Variants in TMPRSS11F observed in about 807,000 individuals in gnomAD.
TMPRSS11F encodes transmembrane protease serine 11F.
A neutral mutation model predicts 60.2 loss-of-function variants in TMPRSS11F; 47 were observed. That is an observed-to-expected ratio of 0.78 (90% CI 0.62 to 1.00). The LOEUF is 1.00. TMPRSS11F is among the 50% of genes least tolerant of loss of function. TMPRSS11F has a pLI of 0.00. For missense variants in TMPRSS11F, 519 were observed against 522.9 expected, an observed-to-expected ratio of 0.99 and a Z score of 0.07; for synonymous variants, 166 against 167.3, an observed-to-expected ratio of 0.99 and a Z score of 0.06.
intron 4 of TMPRSS11F, among the ~76,000 whole-genome samples, chr4:68,073,672 C>G (rs1723525020): frequency 6.6e-6 from 1 of 151,956 alleles, no homozygotes; most frequent in Admixed American, 6.6e-5. Context: ...GCTTAAGAGA[C>G]GGGGGGAAGA....
At chr4:68,124,232 A>C (rs902853444) in intron 1 of TMPRSS11F, among the ~76,000 whole-genome samples, 59 of 152,020 alleles carry the variant, frequency 3.9e-4, no homozygotes, top group Non-Finnish European at 5.3e-4. Flanking sequence ...AAAAAAAAAA[A>C]AAACAAACCT....
intron 3 of TMPRSS11F, among the ~76,000 whole-genome samples, chr4:68,086,428 G>T (rs1380773956): frequency 6.6e-6 from 1 of 152,076 alleles, no homozygotes; most frequent in African/African-American, 2.4e-5. Flanking sequence ...AAGTTAGAAA[G>T]ATCTAAAATT....
At chr4:68,058,062 G>A (rs1723083631) in intron 9 of TMPRSS11F, among the ~76,000 whole-genome samples, 1 of 152,148 alleles carries the variant, frequency 6.6e-6, no homozygotes, top group Non-Finnish European at 1.5e-5. Flanking sequence ...CCAGAGTCTG[G>A]GTGAGCCTAG....
At chr4:68,059,515 T>C (rs1481675600) in intron 8 of TMPRSS11F, 47 bp from the exon 9 acceptor site, 2 of 1,572,992 alleles carry the variant, frequency 1.3e-6, no homozygotes, top group Non-Finnish European at 1.7e-6. Flanking sequence ...ATTCCTCAAA[T>C]ACAATTGTAT....
At chr4:68,060,959 A>G (rs993929646) in intron 8 of TMPRSS11F, among the ~76,000 whole-genome samples, 1 of 152,032 alleles carries the variant, frequency 6.6e-6, no homozygotes, top group African/African-American at 2.4e-5. Flanking sequence ...AGGAGCAATG[A>G]TATACTGCTT....
chr4:68,055,009 G>C (rs1455125117), intron 9 of TMPRSS11F, among the ~76,000 whole-genome samples: 2 of 152,172 alleles, frequency 1.3e-5, no homozygotes, highest in Non-Finnish European at 2.9e-5. Context: ...GCTGATATCT[G>C]AAGGAAGAAG....
Position 68,053,749 on chromosome 4 carries a change from G to T in TMPRSS11F, c.*160C>A. Reference sequence around the variant, plus strand: ...CATGGTAGAGAGGGTTTGGTCCTACGTATGTAAAGGCCACCTCAGGATATT... The same window carrying T: ...CATGGTAGAGAGGGTTTGGTCCTACTTATGTAAAGGCCACCTCAGGATATT... On this transcript the variant is annotated 3_prime_UTR_variant, in exon 10 of 10. Transcript: ENST00000356291. 3.4e-6 allele frequency: 2 copies of T among 587,422 alleles called. No homozygotes were observed. Among genetic ancestry groups the T allele is most frequent in the Non-Finnish European group, 5.7e-6 (2 of 351,336 alleles). 36.4% of individuals were successfully genotyped at this position (587,422 alleles called of 1,614,324 possible).
intron 1 of TMPRSS11F, among the ~76,000 whole-genome samples, chr4:68,128,138 C>T (rs1316172020): frequency 6.6e-6 from 1 of 152,102 alleles, no homozygotes; most frequent in Non-Finnish European, 1.5e-5. Context: ...CTGACTAATT[C>T]ATTCTTTGAG....
chr4:68,106,699 T>A (rs1724307894), intron 1 of TMPRSS11F, among the ~76,000 whole-genome samples: 1 of 152,120 alleles, frequency 6.6e-6, no homozygotes, highest in African/African-American at 2.4e-5. Flanking sequence ...AAGGTGAAAT[T>A]GTGGAGTGTG....
intron 3 of TMPRSS11F, among the ~76,000 whole-genome samples, chr4:68,081,497 C>T (rs1453509895): frequency 6.6e-6 from 1 of 152,144 alleles, no homozygotes; most frequent in Non-Finnish European, 1.5e-5. Flanking sequence ...ACTGGATGCT[C>T]CCAAGGGGAA....
intron 1 of TMPRSS11F, 42 bp from the exon 2 acceptor site, chr4:68,099,080 A>G (rs766613707): frequency 7.8e-6 from 12 of 1,540,894 alleles, no homozygotes; most frequent in Middle Eastern, 3.4e-4. Context: ...AAAATTCATT[A>G]TAGTTCAACT....
At chr4:68,113,308 G>A (rs1724446817) in intron 1 of TMPRSS11F, among the ~76,000 whole-genome samples, 1 of 152,038 alleles carries the variant, frequency 6.6e-6, no homozygotes, top group African/African-American at 2.4e-5. Context: ...TCTGTGGAAG[G>A]TAGAACCTGA....
chr4:68,113,480 T>G (rs1391502238), intron 1 of TMPRSS11F, among the ~76,000 whole-genome samples: 2 of 151,436 alleles, frequency 1.3e-5, no homozygotes, highest in African/African-American at 4.8e-5. Flanking sequence ...GAAGTATGTC[T>G]GTATTAATAT....
intron 4 of TMPRSS11F, among the ~76,000 whole-genome samples, chr4:68,072,888 G>T (rs774559993): frequency 6.6e-6 from 1 of 152,130 alleles, no homozygotes; most frequent in Non-Finnish European, 1.5e-5. Context: ...GTGTGACAGG[G>T]AGGATCCTTT....
chr4:68,077,261 T>G (rs1160892981), intron 3 of TMPRSS11F: 2 of 152,344 alleles, frequency 1.3e-5, no homozygotes, highest in Admixed American at 6.5e-5. Flanking sequence ...TATGAATTTG[T>G]TTTTCCACCA....
intron 1 of TMPRSS11F, among the ~76,000 whole-genome samples, chr4:68,129,426 C>T (rs1224534485): frequency 1.3e-5 from 2 of 151,938 alleles, no homozygotes; most frequent in African/African-American, 4.8e-5. Context: ...CCAGAATATA[C>T]ATCAATAAGC....
intron 9 of TMPRSS11F, among the ~76,000 whole-genome samples, chr4:68,055,515 G>C (rs766685482): frequency 5.3e-5 from 8 of 152,116 alleles, no homozygotes; most frequent in Non-Finnish European, 8.8e-5. Context: ...TGAAGAAGTG[G>C]AAAACCTGAA....
chr4:68,094,372 G>A (rs1443390582), intron 2 of TMPRSS11F, among the ~76,000 whole-genome samples: 1 of 132,564 alleles, frequency 7.5e-6, no homozygotes, highest in African/African-American at 2.8e-5. Context: ...ACACAAGAAG[G>A]GGAACATCAC....
chr4:68,085,872 T>G (rs1359811395), intron 3 of TMPRSS11F, among the ~76,000 whole-genome samples: 2 of 152,104 alleles, frequency 1.3e-5, no homozygotes, highest in Non-Finnish European at 2.9e-5. Context: ...AGCACTCAGA[T>G]TCATAAAACA....
Sources: gnomAD v4.1 joint callset for allele counts (sites outside exome capture counted in the v4.1 genomes callset) on GRCh38, gnomAD v4.1.1 for gene constraint, MANE v1.5 for transcripts, NCBI Gene and HGNC (gene_info 2026-07-23, HGNC 2026-07-21) for gene names.